Variants in CDH13 observed in about 807,000 individuals in gnomAD.
CDH13 encodes cadherin-13.
In CDH13, 24 loss-of-function variants were observed where a neutral mutation model predicts 63.8. That is an observed-to-expected ratio of 0.38 (90% CI 0.27 to 0.53). The LOEUF is 0.53. Ranked by LOEUF, CDH13 falls within the 20% of genes least tolerant of loss-of-function variation. The pLI is 0.85. For missense variants in CDH13, 1,049 were observed against 903.1 expected, an observed-to-expected ratio of 1.16 and a Z score of -2.07; for synonymous variants, 503 against 355.3, an observed-to-expected ratio of 1.42 and a Z score of -4.67.
At chr16:83,527,768 G>A (rs928941289) in intron 7 of CDH13, among the ~76,000 whole-genome samples, 1 of 152,136 alleles carries the variant, frequency 6.6e-6, no homozygotes, top group African/African-American at 2.4e-5. Context: ...CACCTATTAC[G>A]GTTGTTGTTG....
At position 82,858,411 on chromosome 16, in the gene CDH13, A is replaced by C; in HGVS notation, c.95A>C (p.Gln32Pro). Residue 32 changes from glutamine (Q) to proline (P), a missense_variant, in exon 2 of 14, where the codon CAG becomes CCG. Coordinates refer to ENST00000567109, the MANE Select transcript of CDH13 (RefSeq NM_001257.5). Reference sequence around the variant, plus strand: ...GATTTGGACTGCACTCCTGGATTTCAGCAGAAAGTGTTCCATATCAATCAG... The same window carrying C: ...GATTTGGACTGCACTCCTGGATTTCCGCAGAAAGTGTTCCATATCAATCAG... ...AEDLDCTPGF[Q>P]QKVFHINQPA... is the part of the protein sequence containing the mutation. 6.2e-7 allele frequency: 1 copy of C among 1,613,904 alleles called. No homozygotes were observed. The highest frequency in any genetic ancestry group is 8.5e-7 in the Non-Finnish European group (1 of 1,179,768).
At chr16:83,714,490 T>C (rs1453521337) in intron 10 of CDH13, among the ~76,000 whole-genome samples, 1 of 152,192 alleles carries the variant, frequency 6.6e-6, no homozygotes, top group Non-Finnish European at 1.5e-5. Flanking sequence ...AAACTGTTTC[T>C]GCCCCACAAA....
chr16:83,080,284 C>T (rs762387399), intron 3 of CDH13, among the ~76,000 whole-genome samples: 33 of 152,102 alleles, frequency 2.2e-4, no homozygotes, highest in Non-Finnish European at 4.0e-4. Flanking sequence ...GGTCCCAATT[C>T]GCTGAGACTA....
intron 13 of CDH13, among the ~76,000 whole-genome samples, chr16:83,793,545 G>C (rs1916409917): frequency 6.6e-6 from 1 of 152,210 alleles, no homozygotes; most frequent in South Asian, 2.1e-4. Flanking sequence ...AGTCTGCCAT[G>C]AGATGCCTTT....
chr16:83,752,637 A>C (rs1913179108), intron 11 of CDH13, among the ~76,000 whole-genome samples: 1 of 152,196 alleles, frequency 6.6e-6, no homozygotes, highest in East Asian at 1.9e-4. Context: ...AGACTCATTG[A>C]GTCTCATCTA....
At chr16:83,389,898 T>C (rs1445277079) in intron 6 of CDH13, among the ~76,000 whole-genome samples, 1 of 152,186 alleles carries the variant, frequency 6.6e-6, no homozygotes, top group Admixed American at 6.5e-5. Flanking sequence ...GCAGACAGGG[T>C]CTGATAACAT....
chr16:83,135,317 G>C (rs1423872022), intron 4 of CDH13, among the ~76,000 whole-genome samples: 1 of 152,220 alleles, frequency 6.6e-6, no homozygotes. Context: ...TCAGTGATCT[G>C]TCCACCACAA....
intron 10 of CDH13, among the ~76,000 whole-genome samples, chr16:83,703,183 C>G (rs2150911216): frequency 6.6e-6 from 1 of 152,340 alleles, no homozygotes; most frequent in African/African-American, 2.4e-5. Context: ...TTGGCATAAA[C>G]TTTCTAAAAG....
chr16:82,845,820 C>G (rs893233313), intron 1 of CDH13, among the ~76,000 whole-genome samples: 1 of 152,224 alleles, frequency 6.6e-6, no homozygotes, highest in Non-Finnish European at 1.5e-5. Context: ...GGCACATCCT[C>G]TGGTTTCTCC....
Position 83,797,586 on chromosome 16 carries a change from T to G in CDH13, c.*2556T>G, listed in dbSNP as rs1904288426. 6.6e-6 allele frequency: 1 copy of G among 152,214 alleles called. No homozygotes were observed. 9.4% of individuals were successfully genotyped at this position (152,214 alleles called of 1,614,324 possible). On this transcript the variant is annotated 3_prime_UTR_variant, in exon 14 of 14. Coordinates refer to ENST00000567109, the MANE Select transcript of CDH13 (RefSeq NM_001257.5). ...CAAAGTGGTAGCATTTCCTGAATCATAAGATGTTTTGTTCATTTGCTGGAA... is the reference window on the plus strand; with the variant it reads ...CAAAGTGGTAGCATTTCCTGAATCAGAAGATGTTTTGTTCATTTGCTGGAA...
At chr16:82,913,371 G>A (rs931191386) in intron 2 of CDH13, among the ~76,000 whole-genome samples, 2 of 152,154 alleles carry the variant, frequency 1.3e-5, no homozygotes, top group Non-Finnish European at 2.9e-5. Flanking sequence ...TCAGCCAGGT[G>A]CATGTTTTAC....
chr16:83,506,972 C>T (rs1414173487), intron 7 of CDH13, among the ~76,000 whole-genome samples: 1 of 152,238 alleles, frequency 6.6e-6, no homozygotes, highest in Non-Finnish European at 1.5e-5. Context: ...AAGCCACAAA[C>T]ACTGTGTGCA....
At chr16:83,599,410 C>T (rs114606128) in intron 7 of CDH13, among the ~76,000 whole-genome samples, 1 of 152,210 alleles carries the variant, frequency 6.6e-6, no homozygotes, top group South Asian at 2.1e-4. Flanking sequence ...GTAACATCCT[C>T]TTGGATAAAA....
At chr16:82,899,304 A>T (rs1176078013) in intron 2 of CDH13, among the ~76,000 whole-genome samples, 4 of 152,212 alleles carry the variant, frequency 2.6e-5, no homozygotes, top group Non-Finnish European at 1.5e-5. Context: ...AGTCCACTAG[A>T]AGACAATTTC....
At chr16:83,500,055 G>C (rs926873145) in intron 7 of CDH13, among the ~76,000 whole-genome samples, 1 of 151,664 alleles carries the variant, frequency 6.6e-6, no homozygotes, top group Non-Finnish European at 1.5e-5. Context: ...CGCCCACCTC[G>C]GCCTCCCAAA....
chr16:83,406,502 C>T (rs995531595), intron 6 of CDH13, among the ~76,000 whole-genome samples: 1 of 151,250 alleles, frequency 6.6e-6, no homozygotes, highest in Non-Finnish European at 1.5e-5. Flanking sequence ...CTTGCTTCAT[C>T]GCCCAGGCTG....
At chr16:83,720,583 T>TA (rs1051480219) in intron 10 of CDH13, among the ~76,000 whole-genome samples, 24 of 147,670 alleles carry the variant, frequency 1.6e-4, no homozygotes, top group African/African-American at 2.2e-4. Context: ...TCTCTGTCTT[T>TA]AAAAAAAAAA....
chr16:83,599,056 C>T (rs1297354544), intron 7 of CDH13, among the ~76,000 whole-genome samples: 4 of 152,180 alleles, frequency 2.6e-5, no homozygotes, highest in South Asian at 2.1e-4. Flanking sequence ...GTCAGCCCCA[C>T]CCACCTGAAC....
chr16:83,400,797 G>T (rs926254910), intron 6 of CDH13, among the ~76,000 whole-genome samples: 1 of 152,136 alleles, frequency 6.6e-6, no homozygotes, highest in African/African-American at 2.4e-5. Flanking sequence ...TGCCCTTGTT[G>T]TTTAGAATGG....
Sources: allele counts gnomAD v4.1 joint callset (sites outside exome capture counted in the v4.1 genomes callset), GRCh38; gene constraint gnomAD v4.1.1; transcripts MANE v1.5; gene names NCBI Gene and HGNC (gene_info 2026-07-23, HGNC 2026-07-21).